TRIML2: variants seen among roughly 807,000 people sequenced by gnomAD.
TRIML2 encodes the protein tripartite motif family like 2.
In TRIML2, 28 loss-of-function variants were observed where a neutral mutation model predicts 31.2. The ratio of observed to expected loss-of-function variants is 0.90; its 90% CI spans 0.66 to 1.23. The LOEUF is 1.23. Among genes scored for constraint, TRIML2 ranks in the 50% most tolerant of loss-of-function variants. TRIML2 has a pLI of 0.00. For missense variants in TRIML2, 536 were observed against 528.3 expected, an observed-to-expected ratio of 1.01 and a Z score of -0.14; for synonymous variants, 187 against 197.5, an observed-to-expected ratio of 0.95 and a Z score of 0.45.
intron 7 of TRIML2, among the ~76,000 whole-genome samples, chr4:188,095,904 A>G (rs4862857): frequency 0.14 from 21,427 of 152,266 alleles, 1,584 homozygotes; most frequent in East Asian, 0.21. Flanking sequence ...TGGACGTTCT[A>G]TATGTCAACT....
chr4:188,107,772 T>A (rs2111195757), intron 1 of TRIML2, among the ~76,000 whole-genome samples: 1 of 152,324 alleles, frequency 6.6e-6, no homozygotes, highest in South Asian at 2.1e-4. Flanking sequence ...GTTTATTCCA[T>A]CAGGTTTGGC....
rs1733278359 is a variant in TRIML2 at position 188,091,898 on chromosome 4, T to G, written c.789A>C (p.Ala263=). 1.2e-6 allele frequency: 2 copies of G among 1,613,408 alleles called. No homozygotes were observed. Among genetic ancestry groups the G allele is most frequent in the Non-Finnish European group, 1.7e-6 (2 of 1,180,026 alleles). Residue 263 remains alanine (A), a synonymous_variant, in exon 8 of 8, where the codon GCA becomes GCC. Coordinates refer to ENST00000682553, the MANE Select transcript of TRIML2 (RefSeq NM_173553.4). The stretch of plus-strand genomic sequence containing the variant: ...TCATAGTTCTCAGGTCCTCAGATAG[T>G]GCCAGGCAGGGATGAGCTGTTTCAG... ...LDPETAHPCL[A]LSEDLRTMRL... is the part of the protein sequence containing the mutation.
At chr4:188,095,892 C>G (rs894847512) in intron 7 of TRIML2, among the ~76,000 whole-genome samples, 1 of 152,168 alleles carries the variant, frequency 6.6e-6, no homozygotes, top group Non-Finnish European at 1.5e-5. Flanking sequence ...CACGAAGCAG[C>G]CTGGACGTTC....
intron 1 of TRIML2, 200 bp from the exon 2 acceptor site, chr4:188,105,790 G>A (rs12503941): frequency 0.46 from 73,222 of 159,282 alleles, 17,552 homozygotes; most frequent in African/African-American, 0.61. Flanking sequence ...GTAACAGAGT[G>A]CGAAAGAGGT....
intron 1 of TRIML2, among the ~76,000 whole-genome samples, chr4:188,106,341 G>C (rs997700165): frequency 6.6e-6 from 1 of 152,156 alleles, no homozygotes; most frequent in East Asian, 1.9e-4. Flanking sequence ...GTGAGCCACC[G>C]CGCCCGGCCG....
At chr4:188,095,686 A>G (rs1733474797) in intron 7 of TRIML2, among the ~76,000 whole-genome samples, 1 of 152,200 alleles carries the variant, frequency 6.6e-6, no homozygotes, top group Non-Finnish European at 1.5e-5. Flanking sequence ...CAATTTGGAA[A>G]ACAAGTTTGG....
At chr4:188,104,690 AC>A in intron 3 of TRIML2, 146 bp downstream of exon 3, 2 of 676,828 alleles carry the variant, frequency 3.0e-6, no homozygotes, top group Non-Finnish European at 5.0e-6. Context: ...AGCTTTTTAT[AC>A]ATTAAGATAT....
At chr4:188,092,974 C>A in intron 7 of TRIML2, 1 of 428,546 alleles carries the variant, frequency 2.3e-6, no homozygotes, top group Non-Finnish European at 4.7e-6. Context: ...CTGTGCATAG[C>A]TTCAGTTTTA....
chr4:188,092,354 C>T lies in TRIML2; in HGVS notation c.746-413G>A, dbSNP rs561483226. Among the ~76,000 whole-genome samples the T allele has an allele frequency of 2.0e-5, 3 of 152,126 alleles. No homozygotes were observed. In the South Asian group the frequency reaches 6.2e-4, roughly 32 times the overall value. On this transcript the variant is annotated intron_variant, in intron 7 of 7. Coordinates refer to ENST00000682553, the MANE Select transcript of TRIML2 (RefSeq NM_173553.4). The stretch of plus-strand genomic sequence containing the variant: ...GCAGGCGCCTGTAATCCCAGCTACT[C>T]ATGAGGCTGAGGCAGAAAATTGCTT...
intron 3 of TRIML2, among the ~76,000 whole-genome samples, chr4:188,103,498 C>T (rs1220771277): frequency 6.6e-6 from 1 of 152,074 alleles, no homozygotes; most frequent in South Asian, 2.1e-4. Context: ...TTACACAGCT[C>T]CAGCCACATA....
intron 7 of TRIML2, chr4:188,092,931 A>C: frequency 2.2e-6 from 1 of 456,110 alleles, no homozygotes. Context: ...TCTTCTTTCA[A>C]GTAGTATATT....
At chr4:188,104,781 T>G in intron 3 of TRIML2, 56 bp downstream of exon 3, 1 of 1,389,456 alleles carries the variant, frequency 7.2e-7, no homozygotes, top group Non-Finnish European at 1.0e-6. Flanking sequence ...ATACACTATT[T>G]TCTAACAACA....
At position 188,097,558 on chromosome 4, in the gene TRIML2, G is replaced by A. The variant is rs541773074; in HGVS notation, c.622-212C>T. On this transcript the variant is annotated intron_variant, in intron 5 of 7. Coordinates refer to ENST00000682553, the MANE Select transcript of TRIML2 (RefSeq NM_173553.4). Reference sequence around the variant, plus strand: ...ATTTTGTCGTAGTCCCAAGGGAAAGGTTTTCTATCCCTCACCCCAGGCATC... The same window carrying A: ...ATTTTGTCGTAGTCCCAAGGGAAAGATTTTCTATCCCTCACCCCAGGCATC... Among the ~76,000 whole-genome samples, 8 of 152,252 alleles carry A rather than the reference G, an allele frequency of 5.3e-5. No individual in the cohort carries two copies. In the South Asian group the frequency reaches 1.7e-3, roughly 32 times the overall value.
At chr4:188,094,625 G>C (rs2111158476) in intron 7 of TRIML2, among the ~76,000 whole-genome samples, 1 of 152,280 alleles carries the variant, frequency 6.6e-6, no homozygotes, top group East Asian at 1.9e-4. Flanking sequence ...ACTGATGAGA[G>C]AAATCGAAGA....
intron 5 of TRIML2, 47 bp from the exon 6 acceptor site, chr4:188,097,393 T>A: frequency 6.3e-7 from 1 of 1,592,366 alleles, no homozygotes; most frequent in Non-Finnish European, 8.6e-7. Flanking sequence ...TTTTGAGCTG[T>A]TTTTGCAATC....
At chr4:188,108,502 A>G (rs1734128782) in intron 1 of TRIML2, among the ~76,000 whole-genome samples, 2 of 152,132 alleles carry the variant, frequency 1.3e-5, no homozygotes, top group African/African-American at 4.8e-5. Context: ...CCAGAATACT[A>G]TTTTAAAACC....
intron 7 of TRIML2, among the ~76,000 whole-genome samples, chr4:188,093,444 A>C (rs1428089189): frequency 6.6e-6 from 1 of 151,722 alleles, no homozygotes; most frequent in South Asian, 2.1e-4. Flanking sequence ...GAGGCCGAGG[A>C]GGACGGATCA....
intron 1 of TRIML2, among the ~76,000 whole-genome samples, chr4:188,107,161 C>A (rs1455986631): frequency 1.3e-5 from 2 of 152,000 alleles, no homozygotes; most frequent in African/African-American, 4.8e-5. Context: ...ACTACAGGCG[C>A]GTGAAACCAC....
chr4:188,101,283 A>AATCTATCATGTTT, intron 3 of TRIML2, 33 bp from the exon 4 acceptor site: 1 of 1,458,910 alleles, frequency 6.9e-7, no homozygotes, highest in Non-Finnish European at 9.5e-7. Flanking sequence ...ACTTCAGGTT[A>AATCTATCATGTTT]AACATGATAG....
Sources: gnomAD v4.1 joint callset for allele counts (sites outside exome capture counted in the v4.1 genomes callset) on GRCh38, gnomAD v4.1.1 for gene constraint, MANE v1.5 for transcripts, NCBI Gene and HGNC (gene_info 2026-07-23, HGNC 2026-07-21) for gene names.